SNAPC3: variants seen among roughly 807,000 people sequenced by gnomAD.
SNAPC3 encodes the protein small nuclear RNA activating complex polypeptide 3.
In SNAPC3, 56 loss-of-function variants were observed where a neutral mutation model predicts 47.7. The observed-to-expected ratio is 1.18, with a 90% CI of 0.95 to 1.47. The LOEUF (loss-of-function observed/expected upper bound fraction) is 1.47, where lower values mean the gene tolerates loss of function less well. SNAPC3 is among the 40% of genes most tolerant of loss of function. The probability of loss-of-function intolerance (pLI) is 0.00; values close to 1 mark genes in which losing one functional copy is unlikely to be tolerated. For synonymous variants in SNAPC3, 235 were observed against 189.9 expected (o/e 1.24, Z -1.95); for missense variants, 665 against 511.3 (o/e 1.30, Z -2.90).
At chr9:15,434,685 C>A (rs1014710371) in intron 3 of SNAPC3, among the ~76,000 whole-genome samples, 2 of 152,198 alleles carry the variant, frequency 1.3e-5, no homozygotes, top group African/African-American at 4.8e-5. Context: ...GGATTACAGT[C>A]GTGAGCCACA....
At chr9:15,435,393 C>G (rs1018943245) in intron 3 of SNAPC3, among the ~76,000 whole-genome samples, 1 of 151,972 alleles carries the variant, frequency 6.6e-6, no homozygotes, top group East Asian at 1.9e-4. Flanking sequence ...ACCAACATGG[C>G]GAAACCCTGT....
chr9:15,450,099 T>C (rs1400008526), intron 5 of SNAPC3, among the ~76,000 whole-genome samples: 1 of 152,118 alleles, frequency 6.6e-6, no homozygotes, highest in African/African-American at 2.4e-5. Context: ...GGTGTAGAAA[T>C]ATATTAAGTG....
At chr9:15,446,175 A>G (rs1452089596) in intron 4 of SNAPC3, among the ~76,000 whole-genome samples, 2 of 152,072 alleles carry the variant, frequency 1.3e-5, no homozygotes, top group African/African-American at 4.8e-5. Context: ...AAACCAGAAA[A>G]TTTCCATGGC....
At chr9:15,429,268 T>A (rs879686910) in intron 2 of SNAPC3, among the ~76,000 whole-genome samples, 1 of 152,168 alleles carries the variant, frequency 6.6e-6, no homozygotes, top group Non-Finnish European at 1.5e-5. Context: ...AATGTCAAGG[T>A]TATAGAAAAA....
chr9:15,457,989 G>A lies in SNAPC3; in HGVS notation c.1010G>A (p.Arg337Lys). The change falls in exon 8 of 9, where the codon AGG (arginine) becomes AAG (lysine). Residue 337 changes from arginine to lysine, a missense_variant. Coordinates refer to ENST00000380821, the MANE Select transcript of SNAPC3 (RefSeq NM_001039697.2). ...RLVHHDDCLD[R>K]TLYPLLIKKH... ...GTGCATCATGATGACTGCTTGGATA[G>A]GACATTGTATCCCCTCCTTATCAAG... 1 of 1,593,912 alleles carries A rather than the reference G, an allele frequency of 6.3e-7. No individual in the cohort carries two copies.
chr9:15,462,487 TTTTC>T (rs1174947312), downstream of SNAPC3: 9 of 152,214 alleles, frequency 5.9e-5, no homozygotes, highest in Non-Finnish European at 1.0e-4. Flanking sequence ...TCGAGGCAGC[TTTTC>T]TTTATGCTTA....
intron 2 of SNAPC3, among the ~76,000 whole-genome samples, chr9:15,424,612 A>G (rs1469209425): frequency 6.6e-6 from 1 of 152,250 alleles, no homozygotes; most frequent in Non-Finnish European, 1.5e-5. Context: ...GGAAGTTTCT[A>G]AATGCTTACT....
At chr9:15,434,594 G>A (rs1250882536) in intron 3 of SNAPC3, among the ~76,000 whole-genome samples, 2 of 152,004 alleles carry the variant, frequency 1.3e-5, no homozygotes, top group African/African-American at 4.8e-5. Flanking sequence ...TTTTAGTAGA[G>A]ACGGTTTCAT....
intron 3 of SNAPC3, among the ~76,000 whole-genome samples, chr9:15,442,727 T>C (rs1260305562): frequency 6.6e-6 from 1 of 151,160 alleles, no homozygotes; most frequent in Non-Finnish European, 1.5e-5. Context: ...TCCCAGACGA[T>C]GGGCAGCCAG....
intron 3 of SNAPC3, among the ~76,000 whole-genome samples, chr9:15,442,059 G>C (rs1417154175): frequency 1.3e-5 from 2 of 151,650 alleles, no homozygotes; most frequent in African/African-American, 4.8e-5. Context: ...TGGCCAGGCA[G>C]GGGCTGCCCC....
At position 15,433,638 on chromosome 9, in the gene SNAPC3, T is replaced by A; in HGVS notation, c.477+2T>A. The A allele has an allele frequency of 6.4e-7, 1 of 1,556,932 alleles. No homozygotes were observed. Reference sequence around the variant, plus strand: ...CAAGAAACATTCGTTTATGAGATGGTAATTAAGAGTCTCATCTTTTTCACC... The same window carrying A: ...CAAGAAACATTCGTTTATGAGATGGAAATTAAGAGTCTCATCTTTTTCACC... On this transcript the variant is annotated splice_donor_variant, in intron 3 of 8. Coordinates refer to ENST00000380821, the MANE Select transcript of SNAPC3 (RefSeq NM_001039697.2). LOFTEE classifies it high-confidence loss of function.
At chr9:15,427,938 C>G (rs1413293568) in intron 2 of SNAPC3, among the ~76,000 whole-genome samples, 2 of 151,890 alleles carry the variant, frequency 1.3e-5, no homozygotes, top group Non-Finnish European at 2.9e-5. Context: ...TGGTGAAACC[C>G]CACCTCTACT....
At chr9:15,444,335 A>G (rs951726242) in intron 3 of SNAPC3, among the ~76,000 whole-genome samples, 4 of 152,230 alleles carry the variant, frequency 2.6e-5, no homozygotes, top group South Asian at 2.1e-4. Flanking sequence ...TTGCTCATCA[A>G]CTGCTAAGTA....
At chr9:15,445,997 C>G (rs1385753569) in intron 4 of SNAPC3, among the ~76,000 whole-genome samples, 1 of 152,246 alleles carries the variant, frequency 6.6e-6, no homozygotes, top group Non-Finnish European at 1.5e-5. Flanking sequence ...AGAAACCAAA[C>G]CAAAGTATGA....
intron 2 of SNAPC3, 36 bp from the exon 3 acceptor site, chr9:15,433,516 A>C (rs1169150655): frequency 7.8e-7 from 1 of 1,279,660 alleles, no homozygotes; most frequent in Non-Finnish European, 1.1e-6. Context: ...CAAATGTTGA[A>C]CTTTGATTTT....
chr9:15,456,750 G>A (rs893530672), intron 7 of SNAPC3, among the ~76,000 whole-genome samples: 1 of 152,196 alleles, frequency 6.6e-6, no homozygotes, highest in African/African-American at 2.4e-5. Context: ...TTGCAGGCGT[G>A]AGCCACCACA....
intron 2 of SNAPC3, among the ~76,000 whole-genome samples, chr9:15,427,390 C>T (rs879743724): frequency 1.3e-4 from 20 of 152,106 alleles, no homozygotes; most frequent in Non-Finnish European, 2.2e-4. Flanking sequence ...ACTCTGTTGC[C>T]CAGGTTAGAG....
At chr9:15,424,799 G>A (rs1207877986) in intron 2 of SNAPC3, among the ~76,000 whole-genome samples, 2 of 152,128 alleles carry the variant, frequency 1.3e-5, no homozygotes, top group African/African-American at 2.4e-5. Context: ...ATGTTCTGTC[G>A]TTCTTGATCC....
chr9:15,454,253 AAAG>A (rs1001040913), intron 7 of SNAPC3, among the ~76,000 whole-genome samples: 6 of 151,912 alleles, frequency 3.9e-5, no homozygotes, highest in African/African-American at 1.4e-4. Flanking sequence ...AGAAAAAAAG[AAAG>A]AAGCTGATGC....
Sources: gnomAD v4.1 joint callset for allele counts (sites outside exome capture counted in the v4.1 genomes callset) on GRCh38, gnomAD v4.1.1 for gene constraint, MANE v1.5 for transcripts, NCBI Gene and HGNC (gene_info 2026-07-23, HGNC 2026-07-21) for gene names.